ASIC2: variants seen among roughly 807,000 people sequenced by gnomAD.
ASIC2 encodes acid-sensing ion channel 2.
A neutral mutation model predicts 57.3 loss-of-function variants in ASIC2; 25 were observed. The ratio of observed to expected loss-of-function variants is 0.44; its 90% CI spans 0.32 to 0.61. ASIC2 has a LOEUF of 0.61. ASIC2 is among the 20% of genes least tolerant of loss of function. The pLI is 0.06. For missense variants in ASIC2, 641 were observed against 738.1 expected (o/e 0.87, Z 1.52); for synonymous variants, 319 against 307.5 (o/e 1.04, Z -0.39).
Position 34,070,550 on chromosome 17 carries a change from G to A in ASIC2, c.555+85428C>T, listed in dbSNP as rs947915932. ...GGGGAAAAGTTTCCAAGTCTCTACC[G>A]AAAAAAAGCAAGAGCTGGAGGAGAA... On this transcript the variant is annotated intron_variant, in intron 1 of 9. Coordinates refer to the ASIC2 transcript ENST00000359872. The A allele has an allele frequency of 4.5e-4, 68 of 152,164 alleles. 1 individual carries two copies. Among genetic ancestry groups the A allele is most frequent in the African/African-American group, 1.5e-3 (62 of 41,498 alleles). The allele number at this position is 152,164 out of a possible 1,614,324, so 9.4% of individuals were successfully genotyped here.
chr17:33,253,595 A>G (rs753320679), intron 1 of ASIC2, among the ~76,000 whole-genome samples: 1 of 152,218 alleles, frequency 6.6e-6, no homozygotes, highest in African/African-American at 2.4e-5. Flanking sequence ...TGCAGCATTG[A>G]CTAGCATTTG....
At chr17:33,113,017 C>T (rs1331392936) in intron 1 of ASIC2, among the ~76,000 whole-genome samples, 1 of 152,158 alleles carries the variant, frequency 6.6e-6, no homozygotes, top group African/African-American at 2.4e-5. Flanking sequence ...AGGTAGACTC[C>T]AGGGGCTCAG....
rs545775224 is a variant in ASIC2 at position 33,570,760 on chromosome 17, C to T, written c.556-458693G>A. Among the ~76,000 whole-genome samples the T allele has an allele frequency of 3.3e-5, 5 of 152,246 alleles. No homozygotes were observed. In the South Asian group the frequency reaches 6.2e-4, roughly 19 times the overall value. Reference sequence around the variant, plus strand: ...GGAGCTCCCTGGATAGCCTTGCCCACGTGTCTGGGGTGAAGTGACTGGAAT... The same window carrying T: ...GGAGCTCCCTGGATAGCCTTGCCCATGTGTCTGGGGTGAAGTGACTGGAAT... On this transcript the variant is annotated intron_variant, in intron 1 of 9. Coordinates refer to the ASIC2 transcript ENST00000359872.
chr17:33,076,760 C>A (rs192097608), intron 3 of ASIC2, among the ~76,000 whole-genome samples: 1 of 152,306 alleles, frequency 6.6e-6, no homozygotes, highest in Admixed American at 6.5e-5. Context: ...CTTCCTTACC[C>A]AGTTTAACTG....
At chr17:33,040,723 A>G (rs1225325390) in intron 3 of ASIC2, among the ~76,000 whole-genome samples, 3 of 152,230 alleles carry the variant, frequency 2.0e-5, no homozygotes, top group African/African-American at 7.2e-5. Flanking sequence ...AACGGAGGCA[A>G]AAAGTCTCCT....
intron 1 of ASIC2, among the ~76,000 whole-genome samples, chr17:34,116,971 G>A (rs1911443802): frequency 6.6e-6 from 1 of 152,032 alleles, no homozygotes; most frequent in Non-Finnish European, 1.5e-5. Context: ...TGTGTAGTGT[G>A]TAGCATGTAG....
intron 1 of ASIC2, among the ~76,000 whole-genome samples, chr17:33,178,926 T>C (rs1415186303): frequency 6.6e-6 from 1 of 152,182 alleles, no homozygotes; most frequent in African/African-American, 2.4e-5. Context: ...TGAAGTTTCC[T>C]CCCTCATTGC....
intron 1 of ASIC2, among the ~76,000 whole-genome samples, chr17:33,267,511 C>G (rs554298653): frequency 6.6e-6 from 1 of 152,224 alleles, no homozygotes; most frequent in Non-Finnish European, 1.5e-5. Flanking sequence ...TCATCAGTCA[C>G]TGACTCTGAA....
chr17:33,239,593 A>T (rs1004766678), intron 1 of ASIC2, among the ~76,000 whole-genome samples: 1 of 152,228 alleles, frequency 6.6e-6, no homozygotes, highest in Admixed American at 6.5e-5. Flanking sequence ...TGTCAAATGA[A>T]TGAATAAATA....
intron 1 of ASIC2, among the ~76,000 whole-genome samples, chr17:33,637,950 G>A (rs1906423314): frequency 1.3e-5 from 2 of 152,188 alleles, no homozygotes; most frequent in African/African-American, 4.8e-5. Flanking sequence ...GGCTGGAGAT[G>A]CAATCAAGGG....
At chr17:33,207,390 C>A (rs972429001) in intron 1 of ASIC2, among the ~76,000 whole-genome samples, 1 of 152,172 alleles carries the variant, frequency 6.6e-6, no homozygotes, top group African/African-American at 2.4e-5. Flanking sequence ...AAAGTCTATA[C>A]CCACAATTCA....
intron 1 of ASIC2, among the ~76,000 whole-genome samples, chr17:33,578,346 C>A (rs1231272406): frequency 3.9e-5 from 6 of 152,170 alleles, no homozygotes; most frequent in Non-Finnish European, 5.9e-5. Context: ...CATTTCAATT[C>A]TCTGAGCCTT....
chr17:34,088,492 A>T (rs1206499794), intron 1 of ASIC2, among the ~76,000 whole-genome samples: 1 of 152,104 alleles, frequency 6.6e-6, no homozygotes, highest in East Asian at 1.9e-4. Flanking sequence ...GGGGTCAGGG[A>T]CCCACTTGAG....
intron 2 of ASIC2, among the ~76,000 whole-genome samples, chr17:33,092,317 G>GCCCT (rs1267558122): frequency 1.3e-5 from 2 of 152,240 alleles, no homozygotes; most frequent in Non-Finnish European, 2.9e-5. Context: ...GCAGCTCCCT[G>GCCCT]CAGTCCCTGC....
chr17:33,356,403 G>C (rs1037991745), intron 1 of ASIC2, among the ~76,000 whole-genome samples: 14 of 152,092 alleles, frequency 9.2e-5, no homozygotes, highest in African/African-American at 3.4e-4. Flanking sequence ...TCCCACCCCT[G>C]AACCACCTCC....
intron 1 of ASIC2, among the ~76,000 whole-genome samples, chr17:34,151,581 A>G (rs935563464): frequency 1.6e-4 from 24 of 152,176 alleles, no homozygotes; most frequent in African/African-American, 5.8e-4. Flanking sequence ...GATGGTGGGT[A>G]AGGAGAGGAC....
chr17:34,000,250 A>ATTTT (rs199804905), intron 1 of ASIC2, among the ~76,000 whole-genome samples: 3,152 of 119,122 alleles, frequency 0.026, 163 homozygotes, highest in African/African-American at 0.082. Flanking sequence ...GTGGAGATCT[A>ATTTT]TTTTTTTTTT....
chr17:33,896,547 G>A (rs1024931297), intron 1 of ASIC2, among the ~76,000 whole-genome samples: 1 of 152,202 alleles, frequency 6.6e-6, no homozygotes, highest in African/African-American at 2.4e-5. Context: ...GGGTCTGTTC[G>A]CTTGGCCTGC....
chr17:33,877,249 T>C (rs1914571089), intron 1 of ASIC2, among the ~76,000 whole-genome samples: 1 of 152,122 alleles, frequency 6.6e-6, no homozygotes, highest in Non-Finnish European at 1.5e-5. Flanking sequence ...TTCATCTCAC[T>C]GGGGAGTGTC....
Sources: allele counts gnomAD v4.1 joint callset (sites outside exome capture counted in the v4.1 genomes callset), GRCh38; gene constraint gnomAD v4.1.1; transcripts MANE v1.5; gene names NCBI Gene and HGNC (gene_info 2026-07-23, HGNC 2026-07-21).